Variants in LRBA observed in about 807,000 individuals in gnomAD.
The protein encoded by LRBA is lipopolysaccharide-responsive and beige-like anchor protein.
In LRBA, 176 loss-of-function variants were observed where a neutral mutation model predicts 330.0. The ratio of observed to expected loss-of-function variants is 0.53; its 90% CI spans 0.47 to 0.60. The LOEUF (loss-of-function observed/expected upper bound fraction) is 0.60, where lower values mean the gene tolerates loss of function less well. Ranked by LOEUF, LRBA falls within the 20% of genes least tolerant of loss-of-function variation. LRBA has a pLI of 0.00. For synonymous variants in LRBA, 1,230 were observed against 1,193.0 expected, an observed-to-expected ratio of 1.03 and a Z score of -0.64; for missense variants, 3,259 against 3,444.8, an observed-to-expected ratio of 0.95 and a Z score of 1.35.
At chr4:150,402,998 A>G (rs1403385023) in intron 47 of LRBA, among the ~76,000 whole-genome samples, 2 of 152,160 alleles carry the variant, frequency 1.3e-5, no homozygotes, top group African/African-American at 4.8e-5. Context: ...CTTTGCTAAG[A>G]AATTTTCGTT....
chr4:151,014,765 C>T lies in LRBA; in HGVS notation c.-123G>A, dbSNP rs1745243078. 4.7e-6 allele frequency: 3 copies of T among 640,326 alleles called. No homozygotes were observed. The highest frequency in any genetic ancestry group is 2.9e-5 in the Admixed American group (1 of 34,082). The allele number at this position is 640,326 out of a possible 1,614,324, so 39.7% of individuals were successfully genotyped here. ...CCTCTTCCAACTTGTGGAGATACCCCAAAGCAGTTGATGTGGAAAGTCCTT... is the reference window on the plus strand; with the variant it reads ...CCTCTTCCAACTTGTGGAGATACCCTAAAGCAGTTGATGTGGAAAGTCCTT... On this transcript the variant is annotated 5_prime_UTR_variant, in exon 2 of 57. Coordinates refer to ENST00000651943, the MANE Select transcript of LRBA (RefSeq NM_001364905.1).
Position 150,605,581 on chromosome 4 carries a change from T to C in LRBA, c.5922-6450A>G, listed in dbSNP as rs1581795045. Among the ~76,000 whole-genome samples the C allele has an allele frequency of 2.6e-5, 4 of 152,300 alleles. No individual in the cohort carries two copies. In the South Asian group the frequency reaches 8.3e-4, roughly 32 times the overall value. ...TAGATTAAAAATTCATAGTAGACAT[T>C]AGTTACAACTGAAATAAATGGTAAC... On this transcript the variant is annotated intron_variant, in intron 37 of 56. Coordinates refer to ENST00000651943, the MANE Select transcript of LRBA (RefSeq NM_001364905.1).
intron 17 of LRBA, among the ~76,000 whole-genome samples, chr4:150,877,274 A>G (rs72961888): frequency 0.079 from 11,934 of 151,110 alleles, 1,497 homozygotes; most frequent in African/African-American, 0.27. Context: ...AAAAAAAAAA[A>G]AGAGAGACCT....
chr4:150,414,324 T>C (rs1006822736), intron 47 of LRBA, among the ~76,000 whole-genome samples: 1 of 152,086 alleles, frequency 6.6e-6, no homozygotes, highest in African/African-American at 2.4e-5. Flanking sequence ...GAGACTGTAA[T>C]AGGATCTGGA....
At chr4:150,488,684 A>C (rs1311774890) in intron 41 of LRBA, among the ~76,000 whole-genome samples, 1 of 151,020 alleles carries the variant, frequency 6.6e-6, no homozygotes, top group Non-Finnish European at 1.5e-5. Context: ...TGTCAGAATC[A>C]TATGTAAGCT....
intron 34 of LRBA, among the ~76,000 whole-genome samples, chr4:150,796,591 A>G (rs767805755): frequency 6.6e-6 from 1 of 151,970 alleles, no homozygotes; most frequent in Non-Finnish European, 1.5e-5. Context: ...TGTGACATAC[A>G]TGATAAATAG....
chr4:150,530,409 C>T (rs553486741), intron 40 of LRBA, among the ~76,000 whole-genome samples: 1 of 152,268 alleles, frequency 6.6e-6, no homozygotes, highest in East Asian at 1.9e-4. Flanking sequence ...TATCCCTTGG[C>T]AATTTCAACA....
At chr4:150,726,802 A>G (rs1029674267) in intron 36 of LRBA, among the ~76,000 whole-genome samples, 6 of 152,090 alleles carry the variant, frequency 3.9e-5, no homozygotes, top group African/African-American at 1.4e-4. Flanking sequence ...GGGGATTACA[A>G]TTCAAGATGA....
At chr4:150,805,433 GA>G (rs1560841709) in intron 33 of LRBA, among the ~76,000 whole-genome samples, 41 of 113,080 alleles carry the variant, frequency 3.6e-4, no homozygotes, top group East Asian at 5.3e-4. Flanking sequence ...GAAAGGAAAG[GA>G]AAGGAAGGAA....
intron 37 of LRBA, among the ~76,000 whole-genome samples, chr4:150,651,081 T>C (rs1309651948): frequency 6.6e-6 from 1 of 152,202 alleles, no homozygotes; most frequent in African/African-American, 2.4e-5. Flanking sequence ...TCTTAAATTT[T>C]ATGGCAAAAG....
chr4:150,495,519 A>T (rs2152110972), intron 40 of LRBA, among the ~76,000 whole-genome samples: 2 of 152,316 alleles, frequency 1.3e-5, no homozygotes, highest in South Asian at 4.1e-4. Context: ...TGAGATTTAA[A>T]ACAGAAACTA....
intron 47 of LRBA, among the ~76,000 whole-genome samples, chr4:150,380,532 CAAACACTG>C (rs1321556128): frequency 1.3e-5 from 2 of 150,098 alleles, no homozygotes; most frequent in African/African-American, 2.5e-5. Context: ...GCATTTTAAA[CAAACACTG>C]GAACACTAAA....
intron 34 of LRBA, among the ~76,000 whole-genome samples, chr4:150,773,919 G>C (rs2126545558): frequency 6.6e-6 from 1 of 152,290 alleles, no homozygotes; most frequent in East Asian, 1.9e-4. Context: ...TCACTTCAGA[G>C]CCAAAGTCCA....
intron 47 of LRBA, among the ~76,000 whole-genome samples, chr4:150,366,668 C>G (rs1169595386): frequency 6.6e-6 from 1 of 152,150 alleles, no homozygotes; most frequent in African/African-American, 2.4e-5. Context: ...CAGTGGTTTT[C>G]AAACTTAACT....
chr4:150,684,049 A>G (rs1028898465), intron 36 of LRBA: 2 of 126,126 alleles, frequency 1.6e-5, no homozygotes, highest in Non-Finnish European at 3.1e-5. Context: ...GACATAGTGA[A>G]TAAGGAGAAT....
At position 150,985,807 on chromosome 4, in the gene LRBA, G is replaced by A. The variant is rs368926173; in HGVS notation, c.216+28620C>T. Among the ~76,000 whole-genome samples the A allele has an allele frequency of 3.3e-5, 5 of 152,014 alleles. No individual in the cohort carries two copies. In the South Asian group the frequency reaches 8.3e-4, roughly 25 times the overall value. ...GCCACCGCGCCCAGTTGAATTGCAC[G>A]TTTTTAATGGTCATATTTTTATATC... On this transcript the variant is annotated intron_variant, in intron 2 of 56. Coordinates refer to ENST00000651943, the MANE Select transcript of LRBA (RefSeq NM_001364905.1).
intron 14 of LRBA, among the ~76,000 whole-genome samples, chr4:150,899,619 T>C (rs1264878489): frequency 6.6e-6 from 1 of 152,208 alleles, no homozygotes; most frequent in Non-Finnish European, 1.5e-5. Context: ...TTGCTAACAT[T>C]TTGTAATTTC....
At chr4:150,644,539 G>C (rs967629296) in intron 37 of LRBA, among the ~76,000 whole-genome samples, 2 of 151,816 alleles carry the variant, frequency 1.3e-5, no homozygotes, top group Non-Finnish European at 2.9e-5. Context: ...AGTTGCTTAA[G>C]GAGTTGAGGA....
chr4:150,453,329 T>C (rs1254043011), intron 44 of LRBA, among the ~76,000 whole-genome samples: 1 of 152,186 alleles, frequency 6.6e-6, no homozygotes, highest in African/African-American at 2.4e-5. Flanking sequence ...GATATACTGA[T>C]TAATTGTGAA....
Sources: allele counts gnomAD v4.1 joint callset (sites outside exome capture counted in the v4.1 genomes callset), GRCh38; gene constraint gnomAD v4.1.1; transcripts MANE v1.5; gene names NCBI Gene and HGNC (gene_info 2026-07-23, HGNC 2026-07-21).